NHSL1: variants seen among roughly 807,000 people sequenced by gnomAD.
NHSL1 encodes NHS-like protein 1.
A neutral mutation model predicts 95.0 loss-of-function variants in NHSL1; 48 were observed. The ratio of observed to expected loss-of-function variants is 0.51; its 90% CI spans 0.40 to 0.64. The LOEUF (loss-of-function observed/expected upper bound fraction) is 0.64, where lower values mean the gene tolerates loss of function less well. Ranked by LOEUF, NHSL1 falls within the 30% of genes least tolerant of loss-of-function variation. NHSL1 has a pLI of 0.00. For missense variants in NHSL1, 1,971 were observed against 2,077.7 expected (o/e 0.95, Z 1.00); for synonymous variants, 783 against 833.9 (o/e 0.94, Z 1.05).
chr6:138,453,959 A>G (rs900899486), intron 3 of NHSL1, among the ~76,000 whole-genome samples: 1 of 151,392 alleles, frequency 6.6e-6, no homozygotes, highest in Admixed American at 6.6e-5. Flanking sequence ...ATTAGAACAT[A>G]TATGTTTAAA....
intron 1 of NHSL1, among the ~76,000 whole-genome samples, chr6:138,596,145 T>A (rs1784300801): frequency 6.6e-6 from 1 of 152,122 alleles, no homozygotes; most frequent in Admixed American, 6.5e-5. Flanking sequence ...ATCCAAGGAA[T>A]GCAAAGGGGC....
intron 5 of NHSL1, among the ~76,000 whole-genome samples, chr6:138,434,538 A>G (rs1222864066): frequency 6.6e-6 from 1 of 152,216 alleles, no homozygotes; most frequent in Non-Finnish European, 1.5e-5. Flanking sequence ...GCTTATGAGA[A>G]AAAAGAAAAA....
At chr6:138,672,133 G>A in intron 1 of NHSL1, among the ~76,000 whole-genome samples, 1 of 152,132 alleles carries the variant, frequency 6.6e-6, no homozygotes, top group East Asian at 1.9e-4. Flanking sequence ...ACTGGCTCAT[G>A]CCCAGTGCTC....
chr6:138,439,149 T>C (rs1190327716), intron 5 of NHSL1, among the ~76,000 whole-genome samples: 1 of 152,236 alleles, frequency 6.6e-6, no homozygotes, highest in Non-Finnish European at 1.5e-5. Flanking sequence ...CTGCATATAA[T>C]TAAGGATAAT....
At chr6:138,510,507 G>A (rs1781170928) in intron 1 of NHSL1, among the ~76,000 whole-genome samples, 1 of 152,104 alleles carries the variant, frequency 6.6e-6, no homozygotes, top group African/African-American at 2.4e-5. Context: ...AGAATACACA[G>A]CAGCAAAATT....
chr6:138,423,837 A>G lies in NHSL1; in HGVS notation c.*244T>C. On this transcript the variant is annotated 3_prime_UTR_variant, in exon 8 of 8. Coordinates refer to ENST00000343505, the MANE Select transcript of NHSL1 (RefSeq NM_001144060.2). ...TAGCAAAAAAAAAAAAAAAAAAAAA[A>G]AATCTTCCCCGGGAAGCACTTTCAG... The G allele has an allele frequency of 3.0e-6, 1 of 334,546 alleles. No individual in the cohort carries two copies. Among genetic ancestry groups the G allele is most frequent in the East Asian group, 4.5e-5 (1 of 22,030 alleles). 20.7% of individuals were successfully genotyped at this position (334,546 alleles called of 1,614,324 possible).
chr6:138,614,036 T>C (rs750612469), intron 1 of NHSL1, among the ~76,000 whole-genome samples: 1 of 152,226 alleles, frequency 6.6e-6, no homozygotes, highest in Non-Finnish European at 1.5e-5. Flanking sequence ...CCTTTTCTAA[T>C]TCTTCCTTAC....
Position 138,557,967 on chromosome 6 carries a change from T to C in NHSL1, c.202+13743A>G, listed in dbSNP as rs1051705139. The stretch of plus-strand genomic sequence containing the variant: ...GATGTTCATTAAAAAATATTTTCAA[T>C]TGTTTTAGAATTCTGAAAGATGAAC... On this transcript the variant is annotated intron_variant, in intron 1 of 6. Transcript: ENST00000427025. Among the ~76,000 whole-genome samples, 4 of 152,332 alleles carry C rather than the reference T, an allele frequency of 2.6e-5. No homozygotes were observed. In the East Asian group the frequency reaches 7.7e-4, roughly 29 times the overall value.
chr6:138,632,001 G>A (rs929106985), intron 1 of NHSL1, among the ~76,000 whole-genome samples: 1 of 152,068 alleles, frequency 6.6e-6, no homozygotes, highest in African/African-American at 2.4e-5. Context: ...GCCCTGAATG[G>A]CAAGTCCTAG....
chr6:138,428,704 A>T (rs768054742), intron 7 of NHSL1, among the ~76,000 whole-genome samples: 25 of 152,208 alleles, frequency 1.6e-4, no homozygotes, highest in Non-Finnish European at 3.5e-4. Flanking sequence ...TTTCAGGGAG[A>T]GTCCAAGAAT....
At chr6:138,523,046 CT>C (rs1276314057) in intron 1 of NHSL1, among the ~76,000 whole-genome samples, 3 of 149,798 alleles carry the variant, frequency 2.0e-5, no homozygotes, top group Non-Finnish European at 4.4e-5. Context: ...TTCATGATCT[CT>C]CTGTATAACA....
At chr6:138,502,787 G>A (rs779020419), upstream of NHSL1, among the ~76,000 whole-genome samples, 3 of 152,172 alleles carry the variant, frequency 2.0e-5, no homozygotes, top group Non-Finnish European at 4.4e-5. Context: ...TAACAACAGT[G>A]TTTATATCAC....
At chr6:138,510,642 C>T (rs890655414) in intron 1 of NHSL1, among the ~76,000 whole-genome samples, 1 of 152,136 alleles carries the variant, frequency 6.6e-6, no homozygotes, top group Non-Finnish European at 1.5e-5. Context: ...TTTGAATTCA[C>T]CTAGAAAGTA....
intron 1 of NHSL1, among the ~76,000 whole-genome samples, chr6:138,506,242 T>A (rs1489200026): frequency 3.3e-5 from 5 of 152,240 alleles, no homozygotes; most frequent in African/African-American, 1.2e-4. Context: ...AATCTTCCTA[T>A]GTTAACTCTT....
upstream of NHSL1, among the ~76,000 whole-genome samples, chr6:138,502,767 TAAA>T (rs897179404): frequency 2.0e-5 from 3 of 152,308 alleles, no homozygotes; most frequent in African/African-American, 7.2e-5. Flanking sequence ...TGCTCATCTG[TAAA>T]ACGGGATAAC....
intron 3 of NHSL1, among the ~76,000 whole-genome samples, chr6:138,466,274 C>G (rs1778375868): frequency 6.6e-6 from 1 of 151,340 alleles, no homozygotes; most frequent in Non-Finnish European, 1.5e-5. Flanking sequence ...ATCTCCTGAC[C>G]TTGTGATCCA....
intron 1 of NHSL1, among the ~76,000 whole-genome samples, chr6:138,566,013 C>G (rs1783601923): frequency 6.6e-6 from 1 of 151,106 alleles, no homozygotes; most frequent in Non-Finnish European, 1.5e-5. Flanking sequence ...ACCAAAACAC[C>G]CTGAAATTAC....
chr6:138,466,043 G>GC (rs1778351773), intron 3 of NHSL1, among the ~76,000 whole-genome samples: 1 of 131,912 alleles, frequency 7.6e-6, no homozygotes, highest in African/African-American at 3.1e-5. Context: ...CTCCTTTTTG[G>GC]GGGGGGGGCA....
chr6:138,600,500 T>G (rs987397710), intron 1 of NHSL1, among the ~76,000 whole-genome samples: 3 of 152,224 alleles, frequency 2.0e-5, no homozygotes, highest in Non-Finnish European at 2.9e-5. Flanking sequence ...CCAAAGAACA[T>G]TCTTTCCAAA....
Sources: allele counts gnomAD v4.1 joint callset (sites outside exome capture counted in the v4.1 genomes callset), GRCh38; gene constraint gnomAD v4.1.1; transcripts MANE v1.5; gene names NCBI Gene and HGNC (gene_info 2026-07-23, HGNC 2026-07-21).